MAML2: variants seen among roughly 807,000 people sequenced by gnomAD.
MAML2 encodes mastermind like transcriptional coactivator 2.
Under a neutral mutation model 96.1 loss-of-function variants are expected in MAML2, and 22 were observed. The observed-to-expected ratio is 0.23, with a 90% CI of 0.16 to 0.33. MAML2 has a LOEUF of 0.33. MAML2 is among the 10% of genes least tolerant of loss of function. The pLI is 1.00. For missense variants in MAML2, 1,367 were observed against 1,392.4 expected, an observed-to-expected ratio of 0.98 and a Z score of 0.29; for synonymous variants, 561 against 521.3, an observed-to-expected ratio of 1.08 and a Z score of -1.04.
At chr11:96,302,449 G>A (rs1863398308) in intron 1 of MAML2, among the ~76,000 whole-genome samples, 1 of 152,072 alleles carries the variant, frequency 6.6e-6, no homozygotes, top group Non-Finnish European at 1.5e-5. Context: ...GGTCTGGGTG[G>A]GGCTGTCAAT....
At chr11:96,274,307 C>T (rs538856774) in intron 1 of MAML2, among the ~76,000 whole-genome samples, 1 of 152,212 alleles carries the variant, frequency 6.6e-6, no homozygotes, top group African/African-American at 2.4e-5. Flanking sequence ...TGGTCTCGAT[C>T]TCCTGACCTT....
intron 2 of MAML2, among the ~76,000 whole-genome samples, chr11:96,046,180 G>A (rs1360283267): frequency 1.3e-5 from 2 of 152,154 alleles, no homozygotes; most frequent in South Asian, 2.1e-4. Flanking sequence ...TCTGACCAGC[G>A]CAGGTGAGGT....
At chr11:96,118,545 AG>A (rs1860282742) in intron 1 of MAML2, among the ~76,000 whole-genome samples, 1 of 148,788 alleles carries the variant, frequency 6.7e-6, no homozygotes, top group Admixed American at 6.7e-5. Context: ...ACCCAGTCTC[AG>A]GTATGTGTTT....
intron 1 of MAML2, among the ~76,000 whole-genome samples, chr11:96,170,320 G>A (rs1416575803): frequency 6.6e-6 from 1 of 152,120 alleles, no homozygotes; most frequent in Non-Finnish European, 1.5e-5. Flanking sequence ...GTAATTAATG[G>A]AATTTAAAAA....
chr11:96,241,428 C>G (rs912027740), intron 1 of MAML2, among the ~76,000 whole-genome samples: 1 of 152,130 alleles, frequency 6.6e-6, no homozygotes, highest in South Asian at 2.1e-4. Context: ...ATTTGGCCCC[C>G]CAGGAGACAT....
rs990950816 is a variant in MAML2, at chr11:96,127,785, C to A, written c.514-34268G>T. ...CCAGGGGCAATAAAAATGAAGCAAA[C>A]CTTTGTTCAACCTAAACTTCCTTTC... is the stretch of plus-strand genomic sequence containing the variant. On this transcript the variant is annotated intron_variant, in intron 1 of 4. Coordinates refer to ENST00000524717, the MANE Select transcript of MAML2 (RefSeq NM_032427.4). 2.6e-5 allele frequency among the ~76,000 whole-genome samples: 4 copies of A among 152,150 alleles called. No homozygotes were observed. In the East Asian group the frequency reaches 7.7e-4, roughly 29 times the overall value.
intron 1 of MAML2, among the ~76,000 whole-genome samples, chr11:96,148,689 C>CACAA (rs2135874463): frequency 6.7e-6 from 1 of 150,282 alleles, no homozygotes; most frequent in African/African-American, 2.4e-5. Flanking sequence ...CACACACACA[C>CACAA]ACACACACAC....
chr11:96,279,179 A>G (rs1041262273), intron 1 of MAML2, among the ~76,000 whole-genome samples: 4 of 152,210 alleles, frequency 2.6e-5, no homozygotes, highest in Non-Finnish European at 5.9e-5. Flanking sequence ...GTGTCATTCA[A>G]GTGGAAAGGC....
At chr11:96,243,754 T>C (rs1591092192) in intron 1 of MAML2, among the ~76,000 whole-genome samples, 1 of 151,270 alleles carries the variant, frequency 6.6e-6, no homozygotes, top group East Asian at 2.0e-4. Context: ...CCCAGGTTCA[T>C]GCCATTCTCC....
intron 1 of MAML2, among the ~76,000 whole-genome samples, chr11:96,189,295 T>G (rs1311313015): frequency 6.6e-6 from 1 of 152,238 alleles, no homozygotes; most frequent in Non-Finnish European, 1.5e-5. Context: ...AAGTAGCCAT[T>G]TTGTATGGCA....
At chr11:96,101,703 T>G (rs1859933736) in intron 1 of MAML2, among the ~76,000 whole-genome samples, 1 of 152,198 alleles carries the variant, frequency 6.6e-6, no homozygotes, top group South Asian at 2.1e-4. Context: ...CGGCAGCTCT[T>G]TTTCAGTCAG....
At chr11:95,982,022 G>A (rs1857747539) in intron 4 of MAML2, among the ~76,000 whole-genome samples, 1 of 152,060 alleles carries the variant, frequency 6.6e-6, no homozygotes, top group South Asian at 2.1e-4. Context: ...TGTTCCAGGT[G>A]CTTTTCATAC....
At chr11:96,080,538 G>A (rs570141702) in intron 2 of MAML2, among the ~76,000 whole-genome samples, 1 of 152,174 alleles carries the variant, frequency 6.6e-6, no homozygotes, top group African/African-American at 2.4e-5. Context: ...AGTGAGCAAG[G>A]CCTGATGAGT....
At position 95,977,282 on chromosome 11, in the gene MAML2, ATTC is replaced by A. The variant is rs1436165762; in HGVS notation, c.*1663_*1665del. The A allele has an allele frequency of 1.1e-5, 2 of 184,932 alleles. No individual in the cohort carries two copies. Among genetic ancestry groups the A allele is most frequent in the Non-Finnish European group, 2.3e-5 (2 of 87,292 alleles). The allele number at this position is 184,932 out of a possible 1,614,324, so 11.5% of individuals were successfully genotyped here. On this transcript the variant is annotated 3_prime_UTR_variant, in exon 5 of 5. Coordinates refer to ENST00000524717, the MANE Select transcript of MAML2 (RefSeq NM_032427.4). The stretch of plus-strand genomic sequence containing the variant: ...ATGTTTGAAGTATTTCTACCAAAAT[ATTC>A]TTTACAAAAGTTTACAAAACAAGTA...
At chr11:96,170,593 G>A (rs186012268) in intron 1 of MAML2, among the ~76,000 whole-genome samples, 2 of 151,100 alleles carry the variant, frequency 1.3e-5, no homozygotes, top group Admixed American at 1.3e-4. Flanking sequence ...TCACAAAGAA[G>A]GGGTAGATGT....
chr11:96,229,113 C>T lies in MAML2; in HGVS notation c.513+112270G>A, dbSNP rs76728678. Among the ~76,000 whole-genome samples, 867 of 151,944 alleles carry T rather than the reference C, an allele frequency of 5.7e-3. 9 individuals carry two copies. The highest frequency in any genetic ancestry group is 0.02 in the African/African-American group (826 of 41,444). ...TTCTCAGCAGAAAAATGCAACAAAG[C>T]CTTTCTTCTTACCAAATAACTTAAG... On this transcript the variant is annotated intron_variant, in intron 1 of 4. Transcript: ENST00000524717.
chr11:96,148,659 TACACACACACACACACACACACACAC>T (rs58470055), intron 1 of MAML2, among the ~76,000 whole-genome samples: 2 of 131,960 alleles, frequency 1.5e-5, no homozygotes, highest in South Asian at 2.6e-4. Flanking sequence ...TTCTGAAAAA[TACACACACACACACACACACACACAC>T]ACACACACAC....
chr11:96,048,179 G>A (rs1394643729), intron 2 of MAML2, among the ~76,000 whole-genome samples: 1 of 152,022 alleles, frequency 6.6e-6, no homozygotes, highest in South Asian at 2.1e-4. Flanking sequence ...TCATAAAAAG[G>A]TGCACCACTT....
chr11:96,221,688 GC>G lies in MAML2; in HGVS notation c.513+119694del, dbSNP rs1355819523. 9.0e-5 allele frequency among the ~76,000 whole-genome samples: 11 copies of G among 122,130 alleles called. No homozygotes were observed. The East Asian group carries it at 2.5e-3, about 28-fold the overall frequency. 80.1% of individuals were successfully genotyped at this position (122,130 alleles called of 152,430 possible). A position where few individuals can be genotyped will look rare whatever the true frequency, so the allele number is the denominator to read the frequency against. ...AAGATGTGAGTGGCAGTTCAGTCAA[GC>G]TTTTTTTTTTTTTTTTTTTTTTACT... On this transcript the variant is annotated intron_variant, in intron 1 of 4. Coordinates refer to ENST00000524717, the MANE Select transcript of MAML2 (RefSeq NM_032427.4).
Sources: gnomAD v4.1 joint callset for allele counts (sites outside exome capture counted in the v4.1 genomes callset) on GRCh38, gnomAD v4.1.1 for gene constraint, MANE v1.5 for transcripts, NCBI Gene and HGNC (gene_info 2026-07-23, HGNC 2026-07-21) for gene names.